The following ATP2A1 variants were observed in gnomAD, a reference collection of about 807,000 sequenced individuals.
ATP2A1 encodes ATPase sarcoplasmic/endoplasmic reticulum Ca2+ transporting 1.
A neutral mutation model predicts 109.5 loss-of-function variants in ATP2A1; 83 were observed. The ratio of observed to expected loss-of-function variants is 0.76; its 90% confidence interval spans 0.63 to 0.91. The LOEUF is 0.91. ATP2A1 is among the 40% of genes least tolerant of loss of function. The pLI is 0.00. For synonymous variants in ATP2A1, 505 were observed against 537.6 expected (o/e 0.94, Z 0.84); for missense variants, 1,101 against 1,341.0 (o/e 0.82, Z 2.80).
Position 28,879,600 on chromosome 16 carries a change from C to T in ATP2A1, c.219+17C>T. The T allele has an allele frequency of 1.2e-6, 2 of 1,613,230 alleles. No homozygotes were observed. Among genetic ancestry groups the T allele is most frequent in the South Asian group, 1.1e-5 (1 of 91,006 alleles). On this transcript the variant is annotated intron_variant, in intron 3 of 22. Coordinates refer to ENST00000395503, the MANE Select transcript of ATP2A1 (RefSeq NM_004320.6). ...ATTTCCTTCGTAAGTGTGGGAGGGT[C>T]TCTGGGGGCTGGCTGGGGGTGTGAG... is the stretch of plus-strand genomic sequence containing the variant.
Position 28,901,970 on chromosome 16 carries a change from TGAC to T in ATP2A1, c.2212_2214del (p.Asp738del), listed in dbSNP as rs1180385645. The T allele has an allele frequency of 3.1e-6, 5 of 1,614,100 alleles. No homozygotes were observed. Among genetic ancestry groups the T allele is most frequent in the Non-Finnish European group, 4.2e-6 (5 of 1,180,050 alleles). On this transcript the variant is annotated inframe_deletion, in exon 16 of 23. Transcript: ENST00000395503. The stretch of plus-strand genomic sequence containing the variant: ...AGACTGCCTCTGAGATGGTGCTGGC[TGAC>T]GACAACTTCTCCACCATCGTAGCTG...
Position 28,883,007 on chromosome 16 carries a change from G to A in ATP2A1, c.463+418G>A, listed in dbSNP as rs954265063. ...GGCCTCTCAAAGGGGAAGGAGCGAG[G>A]GCAGAAGGGAGGAGGGAGGCCGAAG... On this transcript the variant is annotated intron_variant, in intron 5 of 22. Transcript: ENST00000395503. This position sits in a 1 kb window ranked among gnomAD's most constrained non-coding sequence, Gnocchi z 5.2. Among the ~76,000 whole-genome samples, 2 of 152,212 alleles carry A rather than the reference G, an allele frequency of 1.3e-5. No individual in the cohort carries two copies. Among genetic ancestry groups the A allele is most frequent in the Non-Finnish European group, 1.5e-5 (1 of 68,038 alleles).
intron 15 of ATP2A1, 56 bp downstream of exon 15, chr16:28,900,972 G>A: frequency 4.4e-6 from 7 of 1,605,818 alleles, no homozygotes; most frequent in Non-Finnish European, 5.1e-6. Flanking sequence ...CCAGATGACT[G>A]TGCTGGGGAG....
chr16:28,882,445 C>T lies in ATP2A1; in HGVS notation c.325-6C>T. ...TAACCCTGCCTCCTCCACCCTGTCTCCTCAGGAGCGGAACGCAGAGAACGC... is the reference window on the plus strand; with the variant it reads ...TAACCCTGCCTCCTCCACCCTGTCTTCTCAGGAGCGGAACGCAGAGAACGC... On this transcript the variant is annotated splice_polypyrimidine_tract_variant and splice_region_variant and intron_variant, in intron 4 of 22. Coordinates refer to ENST00000395503, the MANE Select transcript of ATP2A1 (RefSeq NM_004320.6). 1.2e-6 allele frequency: 2 copies of T among 1,614,154 alleles called. No individual in the cohort carries two copies. The highest frequency in any genetic ancestry group is 8.5e-7 in the Non-Finnish European group (1 of 1,180,024).
At position 28,903,767 on chromosome 16, in the gene ATP2A1, C is replaced by T. The variant is rs562157346; in HGVS notation, c.*37+26C>T. 2 of 1,609,348 alleles carry T rather than the reference C, an allele frequency of 1.2e-6. No individual in the cohort carries two copies. The highest frequency in any genetic ancestry group is 1.7e-6 in the Non-Finnish European group (2 of 1,175,728). On this transcript the variant is annotated intron_variant, in intron 22 of 22. Transcript: ENST00000395503. This position sits in a 1 kb window ranked among gnomAD's most constrained non-coding sequence, Gnocchi z 5.6. The stretch of plus-strand genomic sequence containing the variant: ...GTATCACCCCCTTCTTGCCCTCAGC[C>T]CAGCTGCTGTGCCCCTGCCACCCGC...
At position 28,884,638 on chromosome 16, in the gene ATP2A1, A is replaced by T. The variant is rs1263551630; in HGVS notation, c.527A>T (p.Asp176Val). 2 of 1,613,480 alleles carry T rather than the reference A, an allele frequency of 1.2e-6. No homozygotes were observed. The highest frequency in any genetic ancestry group is 4.5e-5 in the East Asian group (2 of 44,854). ...LAIKSTTLRV[D>V]QSILTGESVS... ...ATCAAATCCACCACGCTGCGGGTTG[A>T]CCAGTCCATCCTGACAGGTCTGCTG... is the stretch of plus-strand genomic sequence containing the variant. The change falls in exon 6 of 23, where the codon GAC becomes GTC. Residue 176 changes from aspartate (D) to valine (V), a missense_variant. Physicochemically the swap from Asp to Val is radical, Grantham distance 152. Coordinates refer to ENST00000395503, the MANE Select transcript of ATP2A1 (RefSeq NM_004320.6).
chr16:28,884,087 C>T (rs545130669), intron 5 of ATP2A1, among the ~76,000 whole-genome samples: 14 of 152,198 alleles, frequency 9.2e-5, no homozygotes, highest in South Asian at 4.2e-4. Flanking sequence ...TCTCTCACCC[C>T]GACACCCCTT....
At chr16:28,888,654 C>T in intron 8 of ATP2A1, 133 bp from the exon 9 acceptor site, 1 of 1,065,584 alleles carries the variant, frequency 9.4e-7, no homozygotes, top group Non-Finnish European at 1.3e-6. Context: ...ATCCTCCCGC[C>T]TCAGCCTCCC....
chr16:28,883,152 G>T lies in ATP2A1; in HGVS notation c.463+563G>T, dbSNP rs781774444. 6.6e-6 allele frequency among the ~76,000 whole-genome samples: 1 copy of T among 152,240 alleles called. No homozygotes were observed. Among genetic ancestry groups the T allele is most frequent in the East Asian group, 1.9e-4 (1 of 5,198 alleles). ...GGGACACTTAATGCCTGGCCAGGGA[G>T]GGGTGGGGGCCGGGTGGCTAAGATT... is the stretch of plus-strand genomic sequence containing the variant. On this transcript the variant is annotated intron_variant, in intron 5 of 22. Transcript: ENST00000395503. This position sits in a 1 kb window ranked among gnomAD's most constrained non-coding sequence, Gnocchi z 5.2.
At chr16:28,882,671 A>T in intron 5 of ATP2A1, 82 bp downstream of exon 5, 1 of 1,574,246 alleles carries the variant, frequency 6.4e-7, no homozygotes, top group Non-Finnish European at 8.6e-7. Context: ...TCAGGCTCGG[A>T]TCCAGGTGTC....
At chr16:28,896,298 C>T (rs1963914650) in intron 12 of ATP2A1, among the ~76,000 whole-genome samples, 1 of 152,166 alleles carries the variant, frequency 6.6e-6, no homozygotes, top group African/African-American at 2.4e-5. Flanking sequence ...ATGATCTCAG[C>T]TCACCACAAC....
In ATP2A1 at chr16:28,902,635, G is replaced by A. The variant is rs748129917; in HGVS notation, c.2580G>A (p.Glu860=). ...CTGCCTGGTGGTTCCTGTACGCTGA[G>A]GATGGGCCTCATGTCAACTACAGCC... is the stretch of plus-strand genomic sequence containing the variant. ...GAAAWWFLYA[E]DGPHVNYSQL... The change falls in exon 18 of 23, where the codon GAG becomes GAA. Residue 860 remains glutamate (E), a synonymous_variant. Coordinates refer to ENST00000395503, the MANE Select transcript of ATP2A1 (RefSeq NM_004320.6). The surrounding 1 kb of genome is among the most constrained non-coding windows in gnomAD (Gnocchi z 4.8). 1.2e-6 allele frequency: 2 copies of A among 1,614,116 alleles called. No homozygotes were observed. Among genetic ancestry groups the A allele is most frequent in the South Asian group, 2.2e-5 (2 of 91,084 alleles).
chr16:28,884,150 C>T (rs1315029677), intron 5 of ATP2A1, among the ~76,000 whole-genome samples: 1 of 152,136 alleles, frequency 6.6e-6, no homozygotes, highest in Admixed American at 6.6e-5. Flanking sequence ...TTCCTCCTTG[C>T]CTTTCTCACT....
intron 9 of ATP2A1, chr16:28,892,442 C>A: frequency 3.8e-6 from 1 of 264,980 alleles, no homozygotes; most frequent in Non-Finnish European, 7.9e-6. Flanking sequence ...GTGAGAAAGG[C>A]TGTAACCTTG....
At chr16:28,885,764 C>T (rs527842174) in intron 6 of ATP2A1, among the ~76,000 whole-genome samples, 2 of 152,176 alleles carry the variant, frequency 1.3e-5, no homozygotes, top group South Asian at 2.1e-4. Flanking sequence ...GGACATAGGG[C>T]CACAGACACC....
At chr16:28,879,409 T>C in intron 2 of ATP2A1, 92 bp from the exon 3 acceptor site, 1 of 1,214,436 alleles carries the variant, frequency 8.2e-7, no homozygotes, top group Non-Finnish European at 1.2e-6. Flanking sequence ...CCCTAGAGCC[T>C]CCCCACTGCA....
Position 28,900,724 on chromosome 16 carries a change from C to T in ATP2A1, c.1908C>T (p.Cys636=), listed in dbSNP as rs1321569353. 6.2e-7 allele frequency: 1 copy of T among 1,614,158 alleles called. No individual in the cohort carries two copies. Among genetic ancestry groups the T allele is most frequent in the Non-Finnish European group, 8.5e-7 (1 of 1,180,016 alleles). ...ACAAGGGCACAGCCATTGCCATCTG[C>T]CGGCGAATTGGCATCTTTGGGGAGA... is the stretch of plus-strand genomic sequence containing the variant. The part of the protein sequence containing the change: ...GDNKGTAIAI[C]RRIGIFGENE... The change falls in exon 15 of 23, where the codon TGC becomes TGT. Residue 636 remains cysteine (C), a synonymous_variant. Coordinates refer to ENST00000395503, the MANE Select transcript of ATP2A1 (RefSeq NM_004320.6).
Position 28,900,680 on chromosome 16 carries a change from A to G in ATP2A1, c.1864A>G (p.Ile622Val). Residue 622 changes from isoleucine to valine, a missense_variant, in exon 15 of 23, where the codon ATC becomes GTC. Coordinates refer to ENST00000395503, the MANE Select transcript of ATP2A1 (RefSeq NM_004320.6). ...QLCRDAGIRV[I>V]MITGDNKGTA... ...GTGCCGTGACGCCGGGATCCGGGTGATCATGATCACTGGGGACAACAAGGG... is the reference window on the plus strand; with the variant it reads ...GTGCCGTGACGCCGGGATCCGGGTGGTCATGATCACTGGGGACAACAAGGG... The G allele has an allele frequency of 6.2e-7, 1 of 1,613,298 alleles. No individual in the cohort carries two copies.
At chr16:28,886,871 GC>G (rs1162462622) in intron 6 of ATP2A1, among the ~76,000 whole-genome samples, 1 of 151,304 alleles carries the variant, frequency 6.6e-6, no homozygotes, top group Admixed American at 6.6e-5. Flanking sequence ...GACAGCATGT[GC>G]CTGTAATCCC....
Sources: gnomAD v4.1 joint callset for allele counts (sites outside exome capture counted in the v4.1 genomes callset) on GRCh38, gnomAD v4.1.1 for gene constraint, Gnocchi (gnomAD v3.1) non-coding constraint, MANE v1.5 for transcripts, NCBI Gene and HGNC (gene_info 2026-07-23, HGNC 2026-07-21) for gene names.